FBXO21: variants seen among roughly 807,000 people sequenced by gnomAD.
The protein encoded by FBXO21 is F-box only protein 21.
Under a neutral mutation model 76.6 loss-of-function variants are expected in FBXO21, and 32 were observed. That is an observed-to-expected ratio of 0.42 (90% CI 0.32 to 0.56). The LOEUF (loss-of-function observed/expected upper bound fraction) is 0.56, where lower values mean the gene tolerates loss of function less well. FBXO21 is among the 20% of genes least tolerant of loss of function. The probability of loss-of-function intolerance (pLI) is 0.16; values close to 1 mark genes in which losing one functional copy is unlikely to be tolerated. For missense variants in FBXO21, 586 were observed against 797.3 expected (o/e 0.73, Z 3.19); for synonymous variants, 328 against 311.5 (o/e 1.05, Z -0.56).
At chr12:117,149,351 C>G (rs758826306) in intron 11 of FBXO21, among the ~76,000 whole-genome samples, 64 of 152,262 alleles carry the variant, frequency 4.2e-4, no homozygotes, top group Admixed American at 6.5e-4. Context: ...GGTAAAGAAG[C>G]TGGGAATACC....
intron 6 of FBXO21, among the ~76,000 whole-genome samples, chr12:117,173,970 C>T (rs1314788759): frequency 6.6e-6 from 1 of 152,062 alleles, no homozygotes; most frequent in Admixed American, 6.6e-5. Flanking sequence ...ATAGCAAGAC[C>T]TCATTTCTAC....
intron 11 of FBXO21, chr12:117,155,327 G>C (rs181545410): frequency 2.4e-4 from 39 of 160,346 alleles, no homozygotes; most frequent in African/African-American, 9.3e-4. Flanking sequence ...GGGCTCTCAG[G>C]TGCTCCCAGG....
chr12:117,160,204 T>A (rs1428666961), intron 9 of FBXO21, among the ~76,000 whole-genome samples: 1 of 152,192 alleles, frequency 6.6e-6, no homozygotes, highest in African/African-American at 2.4e-5. Flanking sequence ...CCACTGTAGC[T>A]TGAAAAAAGC....
chr12:117,186,461 T>C lies in FBXO21; in HGVS notation c.470+16A>G. The C allele has an allele frequency of 2.6e-6, 4 of 1,559,926 alleles. No homozygotes were observed. In the African/African-American group the frequency reaches 5.4e-5, roughly 21 times the overall value. On this transcript the variant is annotated intron_variant, in intron 3 of 11. Coordinates refer to ENST00000622495, the MANE Select transcript of FBXO21 (RefSeq NM_015002.3). ...CTTATTAAAGCAAACAAATCCCTGCTAAAGCTATGGCTTACCTTCCTTCCA... is the reference window on the plus strand; with the variant it reads ...CTTATTAAAGCAAACAAATCCCTGCCAAAGCTATGGCTTACCTTCCTTCCA...
rs1955753291 is a variant in FBXO21, at chr12:117,145,066, CCT to C, written c.*1019_*1020del. 8.2e-6 allele frequency: 1 copy of C among 121,950 alleles called. No homozygotes were observed. The highest frequency in any genetic ancestry group is 2.8e-5 in the African/African-American group (1 of 35,746). 7.6% of individuals were successfully genotyped at this position (121,950 alleles called of 1,614,324 possible). On this transcript the variant is annotated 3_prime_UTR_variant, in exon 12 of 12. Transcript: ENST00000622495. ...GAAACCACTTTTTTTCCCTTCAAAA[CCT>C]TTTTTTTTTTTTTTAAGGTTCATTA...
chr12:117,165,357 G>C, intron 9 of FBXO21, 128 bp downstream of exon 9: 3 of 981,332 alleles, frequency 3.1e-6, no homozygotes, highest in Non-Finnish European at 4.5e-6. Context: ...AATGGGTTAT[G>C]ATTGGGAGAC....
At chr12:117,190,063 C>T (rs1956328860) in intron 1 of FBXO21, among the ~76,000 whole-genome samples, 155 bp downstream of exon 1, 2 of 151,264 alleles carry the variant, frequency 1.3e-5, no homozygotes, top group Non-Finnish European at 2.9e-5. Context: ...CCGCAGGGTC[C>T]GGGGCCTGGA....
At position 117,146,159 on chromosome 12, in the gene FBXO21, T is replaced by A; in HGVS notation, c.1794A>T (p.Pro598=). 2 of 1,614,076 alleles carry A rather than the reference T, an allele frequency of 1.2e-6. No individual in the cohort carries two copies. The highest frequency in any genetic ancestry group is 1.7e-6 in the Non-Finnish European group (2 of 1,179,998). ...IPNAELEIRY[P]EDLEFVYETV... ...TTTCATAGACAAACTCCAGATCTTC[T>A]GGATACCGGATCTCCAGCTCTGCGT... The change falls in exon 12 of 12, where the codon CCA becomes CCT. Residue 598 remains proline (P), a synonymous_variant. Transcript: ENST00000622495.
intron 3 of FBXO21, among the ~76,000 whole-genome samples, chr12:117,181,548 T>A (rs1011584964): frequency 5.3e-5 from 8 of 152,194 alleles, no homozygotes; most frequent in African/African-American, 1.9e-4. Context: ...TTTATATCTA[T>A]CTATCTATCT....
chr12:117,186,342 C>A, intron 3 of FBXO21, 135 bp downstream of exon 3: 2 of 681,226 alleles, frequency 2.9e-6, no homozygotes, highest in Non-Finnish European at 5.1e-6. Context: ...ATACACAGAA[C>A]TTTTCAAAAC....
At position 117,177,404 on chromosome 12, in the gene FBXO21, A is replaced by T; in HGVS notation, c.592+116T>A. The T allele has an allele frequency of 4.8e-6, 5 of 1,051,498 alleles. No individual in the cohort carries two copies. In the South Asian group the frequency reaches 9.3e-5, roughly 19 times the overall value. The allele number at this position is 1,051,498 out of a possible 1,614,324, so 65.1% of individuals were successfully genotyped here. A position where few individuals can be genotyped will look rare whatever the true frequency, so the allele number is the denominator to read the frequency against. ...TCCAACCTGCAGAAGCCCACGCAACATGATTTGCTTTTTCACTTCTTTACC... is the reference window on the plus strand; with the variant it reads ...TCCAACCTGCAGAAGCCCACGCAACTTGATTTGCTTTTTCACTTCTTTACC... On this transcript the variant is annotated intron_variant, in intron 4 of 11. Transcript: ENST00000622495.
Position 117,145,997 on chromosome 12 carries a change from C to T in FBXO21, c.*90G>A, listed in dbSNP as rs1955764818. On this transcript the variant is annotated 3_prime_UTR_variant, in exon 12 of 12. Coordinates refer to ENST00000622495, the MANE Select transcript of FBXO21 (RefSeq NM_015002.3). ...GAGTGGCTTTCCTGGTGCAGCAGGT[C>T]CCGAGGGCTCCGTGGAGACGTCTTC... 9.0e-6 allele frequency: 10 copies of T among 1,114,430 alleles called. No homozygotes were observed. The highest frequency in any genetic ancestry group is 1.1e-5 in the Non-Finnish European group (9 of 789,582). 69.0% of individuals were successfully genotyped at this position (1,114,430 alleles called of 1,614,324 possible). A position where few individuals can be genotyped will look rare whatever the true frequency, so the allele number is the denominator to read the frequency against.
intron 11 of FBXO21, among the ~76,000 whole-genome samples, chr12:117,154,029 C>A (rs557872879): frequency 1.3e-5 from 2 of 152,228 alleles, no homozygotes; most frequent in Non-Finnish European, 2.9e-5. Flanking sequence ...GCCATAGACA[C>A]TGGCCCACGG....
intron 1 of FBXO21, 87 bp from the exon 2 acceptor site, chr12:117,189,449 G>C: frequency 1.4e-6 from 2 of 1,466,170 alleles, no homozygotes; most frequent in Non-Finnish European, 1.9e-6. Flanking sequence ...AACAGGGACA[G>C]CAGTGGCGTC....
intron 9 of FBXO21, among the ~76,000 whole-genome samples, chr12:117,159,761 C>G (rs1565998424): frequency 6.6e-6 from 1 of 152,190 alleles, no homozygotes; most frequent in Non-Finnish European, 1.5e-5. Flanking sequence ...GTTCCACACA[C>G]ACAGCTCCCC....
At chr12:117,171,957 C>T (rs2135871136) in intron 7 of FBXO21, among the ~76,000 whole-genome samples, 1 of 152,292 alleles carries the variant, frequency 6.6e-6, no homozygotes, top group Non-Finnish European at 1.5e-5. Flanking sequence ...CAGTCACCAA[C>T]CTTGCCTGAA....
chr12:117,179,635 A>G (rs1379124255), intron 3 of FBXO21, among the ~76,000 whole-genome samples: 1 of 152,228 alleles, frequency 6.6e-6, no homozygotes, highest in Non-Finnish European at 1.5e-5. Context: ...TAATTTAGCA[A>G]GATAATTTCA....
At chr12:117,169,996 G>C (rs1459832847) in intron 7 of FBXO21, among the ~76,000 whole-genome samples, 1 of 151,842 alleles carries the variant, frequency 6.6e-6, no homozygotes, top group Non-Finnish European at 1.5e-5. Context: ...ATTATCCACA[G>C]AGAAAAGCCA....
chr12:117,175,367 C>T lies in FBXO21; in HGVS notation c.593-570G>A, dbSNP rs116658561. ...GGGAACCTACAGCTGAAAAGCTGTG[C>T]AGAGCACACTGCAGACAGTCTCTTA... On this transcript the variant is annotated intron_variant, in intron 4 of 11. Coordinates refer to ENST00000622495, the MANE Select transcript of FBXO21 (RefSeq NM_015002.3). 6.3e-3 allele frequency among the ~76,000 whole-genome samples: 963 copies of T among 152,334 alleles called. 6 individuals carry two copies. The highest frequency in any genetic ancestry group is 0.021 in the African/African-American group (884 of 41,568).
Sources: gnomAD v4.1 joint callset for allele counts (sites outside exome capture counted in the v4.1 genomes callset) on GRCh38, gnomAD v4.1.1 for gene constraint, MANE v1.5 for transcripts, NCBI Gene and HGNC (gene_info 2026-07-23, HGNC 2026-07-21) for gene names.